Variants in CASP5 observed in about 807,000 individuals in gnomAD.
The protein encoded by CASP5 is caspase 5.
A neutral mutation model predicts 45.2 loss-of-function variants in CASP5; 42 were observed. The ratio of observed to expected loss-of-function variants is 0.93; its 90% CI spans 0.73 to 1.20. The LOEUF (loss-of-function observed/expected upper bound fraction) is 1.20, where lower values mean the gene tolerates loss of function less well. Ranked by LOEUF, CASP5 falls within the 50% of genes most tolerant of loss-of-function variation. The probability of loss-of-function intolerance (pLI) is 0.00; values close to 1 mark genes in which losing one functional copy is unlikely to be tolerated. For synonymous variants in CASP5, 209 were observed against 186.2 expected, an observed-to-expected ratio of 1.12 and a Z score of -1.00; for missense variants, 512 against 532.2, an observed-to-expected ratio of 0.96 and a Z score of 0.37.
chr11:105,021,775 A>G lies in CASP5; in HGVS notation c.7+1355T>C, dbSNP rs964331499. Among the ~76,000 whole-genome samples, 435 of 150,464 alleles carry G rather than the reference A, an allele frequency of 2.9e-3. 5 individuals are homozygous for G. The highest frequency in any genetic ancestry group is 0.01 in the African/African-American group (416 of 41,198). On this transcript the variant is annotated intron_variant, in intron 1 of 9. Transcript: ENST00000260315. ...GGCGATTCCACAGGGATCTAGAACT[A>G]GAAATACCATTTGACCCAGCCATCC...
In CASP5 at chr11:105,023,113, A is replaced by G. The variant is rs1369275647; in HGVS notation, c.7+17T>C. 3.2e-6 allele frequency: 5 copies of G among 1,550,758 alleles called. No individual in the cohort carries two copies. Among genetic ancestry groups the G allele is most frequent in the Non-Finnish European group, 4.4e-6 (5 of 1,146,282 alleles). On this transcript the variant is annotated intron_variant, in intron 1 of 9. Coordinates refer to ENST00000260315, the MANE Select transcript of CASP5 (RefSeq NM_004347.5). ...CCTGAGTACCCAGCTGCTAGTCAGA[A>G]AAGGGCCCAGACTCACCAGCCATAG... is the stretch of plus-strand genomic sequence containing the variant.
intron 4 of CASP5, 111 bp from the exon 5 acceptor site, chr11:105,002,312 C>T: frequency 3.8e-6 from 3 of 797,722 alleles, no homozygotes; most frequent in South Asian, 1.7e-5. Flanking sequence ...CCTTCCCTAA[C>T]CTCTATCAGA....
chr11:104,997,961 A>G (rs376279791), intron 7 of CASP5, among the ~76,000 whole-genome samples: 4 of 152,234 alleles, frequency 2.6e-5, no homozygotes, highest in Non-Finnish European at 4.4e-5. Flanking sequence ...GAACACATCC[A>G]AAGTTTCAGT....
chr11:105,016,551 G>A (rs923753859), intron 1 of CASP5, among the ~76,000 whole-genome samples: 9 of 152,312 alleles, frequency 5.9e-5, no homozygotes, highest in South Asian at 2.1e-4. Context: ...GGTGACACAC[G>A]GCACCTGGAA....
chr11:105,009,318 T>C (rs1157762894), intron 1 of CASP5, among the ~76,000 whole-genome samples: 1 of 151,870 alleles, frequency 6.6e-6, no homozygotes, highest in East Asian at 1.9e-4. Context: ...CTGAAGTGTG[T>C]GCACCCAGGA....
intron 2 of CASP5, 58 bp from the exon 3 acceptor site, chr11:105,007,392 C>A: frequency 6.8e-7 from 1 of 1,463,814 alleles, no homozygotes; most frequent in African/African-American, 1.4e-5. Context: ...GTTCTGCCTT[C>A]ACCTAAGACA....
chr11:104,996,515 G>A (rs1246887922), intron 8 of CASP5, among the ~76,000 whole-genome samples: 1 of 152,034 alleles, frequency 6.6e-6, no homozygotes, highest in Non-Finnish European at 1.5e-5. Flanking sequence ...GAGTTTTACT[G>A]TTCTCTATAA....
chr11:105,015,557 G>T (rs910357505), intron 1 of CASP5, among the ~76,000 whole-genome samples: 1 of 152,004 alleles, frequency 6.6e-6, no homozygotes, highest in Admixed American at 6.6e-5. Context: ...AACTACACAT[G>T]GTTGTTTATA....
At chr11:105,021,859 A>T (rs1862980537) in intron 1 of CASP5, among the ~76,000 whole-genome samples, 1 of 150,306 alleles carries the variant, frequency 6.7e-6, no homozygotes, top group African/African-American at 2.4e-5. Context: ...ACACATGCAC[A>T]CGTATGTTTA....
chr11:105,023,024 T>C (rs1863053836), intron 1 of CASP5, 106 bp downstream of exon 1: 2 of 1,018,726 alleles, frequency 2.0e-6, no homozygotes, highest in South Asian at 1.4e-5. Context: ...ATGCACACTA[T>C]TGGTTGATTT....
intron 3 of CASP5, 144 bp downstream of exon 3, chr11:105,006,939 C>T: frequency 1.3e-6 from 1 of 760,044 alleles, no homozygotes. Flanking sequence ...ACAAGGTGGT[C>T]TCTAACAGGA....
Position 105,007,191 on chromosome 11 carries a change from C to G in CASP5, c.325G>C (p.Glu109Gln), listed in dbSNP as rs1565385641. 1 of 1,613,872 alleles carries G rather than the reference C, an allele frequency of 6.2e-7. No homozygotes were observed. The highest frequency in any genetic ancestry group is 1.7e-5 in the Admixed American group (1 of 59,994). The change falls in exon 3 of 10, where the codon GAA (glutamate) becomes CAA (glutamine). Residue 109 changes from glutamate to glutamine, a missense_variant. By Grantham distance (29) the Glu-to-Gln change is conservative (BLOSUM62 2). Coordinates refer to ENST00000260315, the MANE Select transcript of CASP5 (RefSeq NM_004347.5). ...EKKKYYDTKI[E>Q]DKALILVDSL... The stretch of plus-strand genomic sequence containing the variant: ...TCTACCAAGATCAGGGCCTTGTCTT[C>G]AATTTTGGTATCATAATATTTTTTC...
At chr11:105,012,614 G>C (rs564259084) in intron 1 of CASP5, among the ~76,000 whole-genome samples, 1 of 151,686 alleles carries the variant, frequency 6.6e-6, no homozygotes, top group Non-Finnish European at 1.5e-5. Context: ...GACCAAAATA[G>C]ACATTTTTCA....
At chr11:105,019,445 T>C (rs1473046130) in intron 1 of CASP5, among the ~76,000 whole-genome samples, 1 of 149,382 alleles carries the variant, frequency 6.7e-6, no homozygotes, top group Non-Finnish European at 1.5e-5. Context: ...AAGAATCAAA[T>C]AGACGCAATA....
intron 1 of CASP5, among the ~76,000 whole-genome samples, chr11:105,019,642 T>A (rs186280184): frequency 0.027 from 3,934 of 145,704 alleles, 281 homozygotes; most frequent in African/African-American, 0.092. Context: ...AATAACAGGA[T>A]CTGAAATTGT....
chr11:105,019,568 A>G (rs1862831869), intron 1 of CASP5, among the ~76,000 whole-genome samples: 2 of 151,100 alleles, frequency 1.3e-5, no homozygotes, highest in Admixed American at 1.3e-4. Flanking sequence ...GAAATGGATA[A>G]GTTTCTGGAC....
At chr11:105,017,916 G>A (rs1391017585) in intron 1 of CASP5, among the ~76,000 whole-genome samples, 3 of 152,088 alleles carry the variant, frequency 2.0e-5, no homozygotes, top group African/African-American at 7.2e-5. Context: ...GAAAGGTCAG[G>A]TTACCCTCAA....
chr11:105,002,040 A>G lies in CASP5; in HGVS notation c.705T>C (p.Asn235=). 2 of 1,613,930 alleles carry G rather than the reference A, an allele frequency of 1.2e-6. No homozygotes were observed. The highest frequency in any genetic ancestry group is 1.7e-6 in the Non-Finnish European group (2 of 1,179,946). Residue 235 remains asparagine (N), a synonymous_variant, in exon 5 of 10, where the codon AAT becomes AAC. Coordinates refer to ENST00000260315, the MANE Select transcript of CASP5 (RefSeq NM_004347.5). ...TAGGGGTTCTTACCCTGGCTGTGAG[A>G]TTCTTTTCGTCAACCACAGTGTAGC... is the stretch of plus-strand genomic sequence containing the variant. ...GLGYTVVDEK[N]LTARDMESVL...
chr11:104,995,436 GATAA>G (rs1197564096), intron 9 of CASP5, among the ~76,000 whole-genome samples: 1 of 152,062 alleles, frequency 6.6e-6, no homozygotes, highest in Non-Finnish European at 1.5e-5. Context: ...GTGTATGAGA[GATAA>G]ATGAACATAA....
Sources: gnomAD v4.1 joint callset for allele counts (sites outside exome capture counted in the v4.1 genomes callset) on GRCh38, gnomAD v4.1.1 for gene constraint, MANE v1.5 for transcripts, NCBI Gene and HGNC (gene_info 2026-07-23, HGNC 2026-07-21) for gene names.